Variants in LUZP1 observed in about 807,000 individuals in gnomAD.
LUZP1 encodes filamin mechanobinding actin cross-linking protein.
In LUZP1, 25 loss-of-function variants were observed where a neutral mutation model predicts 71.3. The ratio of observed to expected loss-of-function variants is 0.35; its 90% CI spans 0.26 to 0.49. The LOEUF is 0.49. LUZP1 is among the 20% of genes least tolerant of loss of function. LUZP1 has a pLI of 0.99. For synonymous variants in LUZP1, 481 were observed against 506.4 expected, an observed-to-expected ratio of 0.95 and a Z score of 0.67; for missense variants, 1,142 against 1,300.8, an observed-to-expected ratio of 0.88 and a Z score of 1.88.
intron 2 of LUZP1, among the ~76,000 whole-genome samples, chr1:23,149,806 A>G (rs1644370041): frequency 6.6e-6 from 1 of 151,962 alleles, no homozygotes; most frequent in South Asian, 2.1e-4. Flanking sequence ...TACTGAAAAT[A>G]CAAAAATTAG....
At chr1:23,142,082 G>A (rs1393614982) in intron 2 of LUZP1, among the ~76,000 whole-genome samples, 1 of 151,870 alleles carries the variant, frequency 6.6e-6, no homozygotes, top group Non-Finnish European at 1.5e-5. Flanking sequence ...CCAACCTCAG[G>A]TGACCCACCC....
chr1:23,175,040 G>A (rs184034713), intron 1 of LUZP1, among the ~76,000 whole-genome samples: 65 of 152,178 alleles, frequency 4.3e-4, no homozygotes, highest in African/African-American at 1.5e-3. Context: ...AAAGGTTATA[G>A]GGGTCATTAT....
chr1:23,084,681 T>C (rs1472529663), exon 5 of LUZP1: 1 of 152,106 alleles, frequency 6.6e-6, no homozygotes, highest in African/African-American at 2.4e-5. Context: ...TTAAGGGACA[T>C]CATTATATAT....
intron 2 of LUZP1, among the ~76,000 whole-genome samples, chr1:23,127,177 T>A (rs980562453): frequency 2.0e-5 from 3 of 152,236 alleles, no homozygotes; most frequent in Non-Finnish European, 2.9e-5. Flanking sequence ...GTGCTTTATA[T>A]ACATCACCCT....
At chr1:23,092,801 C>T (rs747642449) in exon 4 of LUZP1, 17 of 1,613,718 alleles carry the variant, frequency 1.1e-5, no homozygotes, top group African/African-American at 5.3e-5. Context: ...TCCCCTTCCA[C>T]GCTTTACTGT....
At chr1:23,084,826 A>ATTGG (rs1165183935) in exon 5 of LUZP1, 1 of 152,260 alleles carries the variant, frequency 6.6e-6, no homozygotes, top group African/African-American at 2.4e-5. Context: ...AGTATCAGTA[A>ATTGG]TTGGTTAGGT....
At chr1:23,107,897 A>G (rs1013070947) in intron 3 of LUZP1, among the ~76,000 whole-genome samples, 1 of 152,194 alleles carries the variant, frequency 6.6e-6, no homozygotes, top group Admixed American at 6.5e-5. Flanking sequence ...AACTACACCT[A>G]TTTCCTCAGA....
intron 2 of LUZP1, among the ~76,000 whole-genome samples, chr1:23,142,531 A>G (rs1290759610): frequency 1.3e-5 from 2 of 151,974 alleles, no homozygotes; most frequent in Non-Finnish European, 2.9e-5. Context: ...CCAGGGGCAT[A>G]TGTGGCCTCG....
At chr1:23,151,455 A>G (rs1644383144) in intron 2 of LUZP1, among the ~76,000 whole-genome samples, 1 of 152,188 alleles carries the variant, frequency 6.6e-6, no homozygotes, top group South Asian at 2.1e-4. Flanking sequence ...TATCTAATCA[A>G]TTAGCTCAAC....
At position 23,093,518 on chromosome 1, in the gene LUZP1, G is replaced by A. The variant is rs778116036; in HGVS notation, c.744C>T (p.Ser248=). Residue 248 remains serine (S), a synonymous_variant, in exon 4 of 5, where the codon TCC becomes TCT. Coordinates refer to ENST00000302291, the Ensembl canonical transcript of LUZP1. This position sits in a 1 kb window ranked among gnomAD's most constrained non-coding sequence, Gnocchi z 4.2. ...TTCTTGATTCTTTGGACGGCAGTGT[G>A]GAAGAGATGCCATCCTCAATCCGTA... 5 of 1,613,614 alleles carry A rather than the reference G, an allele frequency of 3.1e-6. No individual in the cohort carries two copies. The highest frequency in any genetic ancestry group is 1.7e-5 in the Admixed American group (1 of 59,958).
chr1:23,100,952 A>T (rs907221719), intron 3 of LUZP1, among the ~76,000 whole-genome samples: 6 of 152,238 alleles, frequency 3.9e-5, no homozygotes, highest in Non-Finnish European at 8.8e-5. Context: ...CAAGGACTTC[A>T]GTCTCCTGAC....
At chr1:23,092,678 G>T in exon 4 of LUZP1, 1 of 1,614,140 alleles carries the variant, frequency 6.2e-7, no homozygotes, top group Non-Finnish European at 8.5e-7. Flanking sequence ...CAGAAGCCTT[G>T]TCAGCTCTAC....
At chr1:23,119,750 A>T (rs1197656192) in intron 2 of LUZP1, among the ~76,000 whole-genome samples, 1 of 152,152 alleles carries the variant, frequency 6.6e-6, no homozygotes, top group African/African-American at 2.4e-5. Flanking sequence ...CAGTTCAGTA[A>T]ATGTTCAATG....
chr1:23,139,042 A>G (rs1473513318), intron 2 of LUZP1, among the ~76,000 whole-genome samples: 5 of 135,490 alleles, frequency 3.7e-5, no homozygotes, highest in Non-Finnish European at 7.7e-5. Context: ...ATATATATAT[A>G]TATACACACA....
At chr1:23,160,730 A>G (rs1644458287) in intron 2 of LUZP1, among the ~76,000 whole-genome samples, 1 of 152,226 alleles carries the variant, frequency 6.6e-6, no homozygotes, top group African/African-American at 2.4e-5. Flanking sequence ...GGCATTAGCT[A>G]AAACAGCTTC....
intron 2 of LUZP1, among the ~76,000 whole-genome samples, chr1:23,129,308 G>A (rs374032600): frequency 9.9e-5 from 15 of 152,198 alleles, no homozygotes; most frequent in East Asian, 7.7e-4. Flanking sequence ...GAGGCCAGGC[G>A]CGGTGGCTCA....
intron 2 of LUZP1, among the ~76,000 whole-genome samples, chr1:23,145,562 T>G (rs1322930221): frequency 6.6e-6 from 1 of 151,362 alleles, no homozygotes; most frequent in Admixed American, 6.6e-5. Context: ...CTCCGCCTCC[T>G]GAGTTCAAGT....
chr1:23,092,734 T>C (rs1477152133), exon 4 of LUZP1: 1 of 1,613,882 alleles, frequency 6.2e-7, no homozygotes. Context: ...TCACTAAACG[T>C]TCGTGTTGTC....
intron 2 of LUZP1, among the ~76,000 whole-genome samples, chr1:23,120,542 G>C (rs1304212049): frequency 6.6e-6 from 1 of 151,686 alleles, no homozygotes; most frequent in Non-Finnish European, 1.5e-5. Flanking sequence ...TTTTTTTGTA[G>C]AGACAGGGTC....
Sources: allele counts gnomAD v4.1 joint callset (sites outside exome capture counted in the v4.1 genomes callset), GRCh38; gene constraint gnomAD v4.1.1; non-coding constraint Gnocchi (gnomAD v3.1); transcripts MANE v1.5; gene names NCBI Gene and HGNC (gene_info 2026-07-23, HGNC 2026-07-21).